The following KSR2 variants were observed in gnomAD, a reference collection of about 807,000 sequenced individuals.
KSR2 encodes kinase suppressor of ras 2.
KSR2 carries 25 observed loss-of-function variants against 107.8 expected under a neutral mutation model. The observed-to-expected ratio is 0.23, with a 90% CI of 0.17 to 0.32. The LOEUF is 0.32. Among genes scored for constraint, KSR2 ranks in the 10% least tolerant of loss-of-function variants. The pLI is 1.00. For missense variants in KSR2, 887 were observed against 1,268.9 expected (o/e 0.70, Z 4.57); for synonymous variants, 480 against 507.0 (o/e 0.95, Z 0.71).
chr12:117,480,976 C>G (rs190483380), intron 16 of KSR2, among the ~76,000 whole-genome samples: 284 of 152,150 alleles, frequency 1.9e-3, no homozygotes, highest in African/African-American at 6.6e-3. Flanking sequence ...GTAGGAGGAT[C>G]GCTTGAGCCT....
At chr12:117,721,389 T>C (rs1401167880) in intron 4 of KSR2, among the ~76,000 whole-genome samples, 3 of 152,242 alleles carry the variant, frequency 2.0e-5, no homozygotes, top group Admixed American at 6.5e-5. Flanking sequence ...TAGAATAGTA[T>C]AGAAGGCTAT....
intron 4 of KSR2, among the ~76,000 whole-genome samples, chr12:117,692,791 A>C (rs1207529186): frequency 1.3e-5 from 2 of 152,172 alleles, no homozygotes; most frequent in African/African-American, 4.8e-5. Context: ...GGTAGCAGTC[A>C]CAAAAGGTCA....
At chr12:117,598,051 T>C (rs1159592926) in intron 5 of KSR2, among the ~76,000 whole-genome samples, 2 of 152,200 alleles carry the variant, frequency 1.3e-5, no homozygotes, top group African/African-American at 4.8e-5. Context: ...ATAAGTTCTT[T>C]AATGGTGATT....
intron 3 of KSR2, among the ~76,000 whole-genome samples, chr12:117,839,313 T>C (rs898035218): frequency 2.0e-5 from 3 of 152,206 alleles, no homozygotes; most frequent in Non-Finnish European, 2.9e-5. Context: ...AAGTGCTGCG[T>C]TTAGAGTGTA....
intron 3 of KSR2, among the ~76,000 whole-genome samples, chr12:117,840,043 T>A (rs910260120): frequency 5.3e-5 from 8 of 152,068 alleles, no homozygotes; most frequent in Non-Finnish European, 8.8e-5. Context: ...ATGCTAAATA[T>A]CCAAGTGGAT....
chr12:117,794,420 T>C (rs111068565), intron 3 of KSR2, among the ~76,000 whole-genome samples: 5,109 of 24,400 alleles, frequency 0.21, 1,633 homozygotes, highest in East Asian at 0.53. Context: ...CACATGCACA[T>C]ACAACATGCA....
chr12:117,822,405 AAC>A (rs1453689991), intron 3 of KSR2, among the ~76,000 whole-genome samples: 1 of 152,158 alleles, frequency 6.6e-6, no homozygotes, highest in Non-Finnish European at 1.5e-5. Context: ...ATGTTAAATA[AAC>A]ACACAAATAA....
intron 9 of KSR2, among the ~76,000 whole-genome samples, chr12:117,548,923 A>G (rs1437352188): frequency 1.3e-5 from 2 of 152,192 alleles, no homozygotes; most frequent in Non-Finnish European, 2.9e-5. Flanking sequence ...CCCTGGAATA[A>G]CAGATCTCCC....
intron 5 of KSR2, among the ~76,000 whole-genome samples, chr12:117,646,088 A>G (rs998198396): frequency 3.9e-5 from 6 of 152,180 alleles, no homozygotes; most frequent in African/African-American, 1.4e-4. Context: ...TACCTAATAC[A>G]ATGTAAATGT....
At chr12:117,506,829 T>G (rs571268484) in intron 14 of KSR2, among the ~76,000 whole-genome samples, 1 of 152,226 alleles carries the variant, frequency 6.6e-6, no homozygotes, top group Admixed American at 6.5e-5. Context: ...ATAGATAGAT[T>G]TATTTATATA....
At chr12:117,526,479 A>C (rs1321428987) in intron 13 of KSR2, among the ~76,000 whole-genome samples, 1 of 152,210 alleles carries the variant, frequency 6.6e-6, no homozygotes, top group African/African-American at 2.4e-5. Context: ...ATTCAGGAGA[A>C]ACAATACAGG....
At chr12:117,606,962 C>T (rs10744898) in intron 5 of KSR2, among the ~76,000 whole-genome samples, 110,519 of 152,010 alleles carry the variant, frequency 0.73, 41,056 homozygotes, top group South Asian at 0.91. Flanking sequence ...TCTCTGCCCA[C>T]GCAGACTCCT....
intron 5 of KSR2, among the ~76,000 whole-genome samples, chr12:117,663,420 T>C (rs1256951953): frequency 1.3e-5 from 2 of 152,242 alleles, no homozygotes; most frequent in Non-Finnish European, 2.9e-5. Context: ...CTTTGTGCAA[T>C]GCCTGGAGCA....
At chr12:117,853,772 G>T (rs1182043405) in intron 3 of KSR2, among the ~76,000 whole-genome samples, 2 of 152,288 alleles carry the variant, frequency 1.3e-5, no homozygotes, top group East Asian at 3.9e-4. Flanking sequence ...CCACACTCAT[G>T]TTGGGTGAGT....
At chr12:117,503,416 A>G (rs1333984484) in intron 14 of KSR2, among the ~76,000 whole-genome samples, 1 of 152,140 alleles carries the variant, frequency 6.6e-6, no homozygotes, top group Admixed American at 6.5e-5. Context: ...GCCAGTGAAA[A>G]GTAGGATGTT....
chr12:117,504,871 T>C lies in KSR2; in HGVS notation c.2220-19180A>G, dbSNP rs183872779. On this transcript the variant is annotated intron_variant, in intron 14 of 19. Coordinates refer to ENST00000339824, the MANE Select transcript of KSR2 (RefSeq NM_173598.6). ...GTACCTGTCATCTGAATAGTGTATGTTGTACCCAATATGTAGTTTTTAATC... is the reference window on the plus strand; with the variant it reads ...GTACCTGTCATCTGAATAGTGTATGCTGTACCCAATATGTAGTTTTTAATC... Among the ~76,000 whole-genome samples the C allele has an allele frequency of 1.3e-3, 198 of 152,318 alleles. 5 individuals are homozygous for C. The highest frequency in any genetic ancestry group is 3.4e-3 in the Middle Eastern group (1 of 294).
chr12:117,563,595 G>A (rs539517320), intron 7 of KSR2, among the ~76,000 whole-genome samples: 41 of 152,210 alleles, frequency 2.7e-4, no homozygotes, highest in African/African-American at 8.9e-4. Flanking sequence ...CTCAAGCAGC[G>A]GCAGGTGCTA....
intron 1 of KSR2, among the ~76,000 whole-genome samples, chr12:117,865,293 C>T (rs573490837): frequency 6.6e-6 from 1 of 152,174 alleles, no homozygotes; most frequent in South Asian, 2.1e-4. Flanking sequence ...CTTAATCCAT[C>T]CTATTTATAG....
At chr12:117,666,942 C>T (rs906063504) in intron 5 of KSR2, among the ~76,000 whole-genome samples, 1 of 152,148 alleles carries the variant, frequency 6.6e-6, no homozygotes, top group African/African-American at 2.4e-5. Flanking sequence ...AGCAGAAATT[C>T]GTAAGAGCAG....
Sources: allele counts gnomAD v4.1 joint callset (sites outside exome capture counted in the v4.1 genomes callset), GRCh38; gene constraint gnomAD v4.1.1; transcripts MANE v1.5; gene names NCBI Gene and HGNC (gene_info 2026-07-23, HGNC 2026-07-21).